Variants in TTLL11 observed in about 807,000 individuals in gnomAD.
The protein encoded by TTLL11 is tubulin tyrosine ligase like 11, also known as tubulin polyglutamylase TTLL11.
Under a neutral mutation model 51.7 loss-of-function variants are expected in TTLL11, and 42 were observed. The ratio of observed to expected loss-of-function variants is 0.81; its 90% CI spans 0.64 to 1.05. The LOEUF is 1.05. Among genes scored for constraint, TTLL11 ranks in the 50% least tolerant of loss-of-function variants. The probability of loss-of-function intolerance (pLI) is 0.00; values close to 1 mark genes in which losing one functional copy is unlikely to be tolerated. For missense variants in TTLL11, 799 were observed against 940.4 expected (o/e 0.85, Z 1.97); for synonymous variants, 381 against 383.5 (o/e 0.99, Z 0.08).
chr9:122,038,536 C>A (rs949801204), intron 2 of TTLL11, among the ~76,000 whole-genome samples: 1 of 152,156 alleles, frequency 6.6e-6, no homozygotes, highest in Non-Finnish European at 1.5e-5. Flanking sequence ...GTAATCCCAG[C>A]TACTCGGAAG....
intron 6 of TTLL11, among the ~76,000 whole-genome samples, chr9:121,970,614 G>C (rs1268149242): frequency 6.6e-6 from 1 of 152,196 alleles, no homozygotes; most frequent in African/African-American, 2.4e-5. Flanking sequence ...ATCATCACTG[G>C]TCATTAGAGA....
At chr9:121,881,025 G>A (rs1039421300) in intron 6 of TTLL11, among the ~76,000 whole-genome samples, 9 of 152,174 alleles carry the variant, frequency 5.9e-5, no homozygotes, top group African/African-American at 2.2e-4. Context: ...GGAAAAGCCT[G>A]TCTCTACCCT....
At chr9:122,044,321 G>A (rs1172371351) in intron 1 of TTLL11, among the ~76,000 whole-genome samples, 2 of 151,996 alleles carry the variant, frequency 1.3e-5, no homozygotes, top group Non-Finnish European at 2.9e-5. Context: ...ATAAACATAC[G>A]TGTGCATGTG....
intron 3 of TTLL11, among the ~76,000 whole-genome samples, chr9:122,014,534 C>T (rs1843908252): frequency 6.6e-6 from 1 of 152,122 alleles, no homozygotes; most frequent in African/African-American, 2.4e-5. Context: ...TGTTTAATTC[C>T]ATCCCAGCTT....
At chr9:122,012,383 A>C (rs1457090513) in intron 3 of TTLL11, among the ~76,000 whole-genome samples, 1 of 152,114 alleles carries the variant, frequency 6.6e-6, no homozygotes, top group African/African-American at 2.4e-5. Flanking sequence ...ACTGTCCCAG[A>C]AAAATGTTTA....
At chr9:121,826,559 A>ATATATATATATATATATATGTGTG (rs1564260654) in intron 8 of TTLL11, among the ~76,000 whole-genome samples, 3 of 88,764 alleles carry the variant, frequency 3.4e-5, no homozygotes, top group African/African-American at 1.7e-4. Context: ...ATGTGTGTGT[A>ATATATATATATATATATATGTGTG]TATATATATA....
rs888090116 is a variant in TTLL11 at position 121,965,591 on chromosome 9, T to C, written c.1481+8418A>G. Among the ~76,000 whole-genome samples, 4 of 152,116 alleles carry C rather than the reference T, an allele frequency of 2.6e-5. No homozygotes were observed. The East Asian group carries it at 5.8e-4, about 22-fold the overall frequency. On this transcript the variant is annotated intron_variant, in intron 6 of 8. Transcript: ENST00000321582. ...CAAACCATATCACCTCAGGAATCAA[T>C]TGAGCCCAGAATTTCAACTGGAGGT...
intron 1 of TTLL11, among the ~76,000 whole-genome samples, chr9:122,087,593 G>A (rs73662586): frequency 0.017 from 2,573 of 152,232 alleles, 56 homozygotes; most frequent in African/African-American, 0.059. Flanking sequence ...AAATCTCTCA[G>A]GGCCCTCATT....
At chr9:121,833,910 T>A (rs1837102635) in intron 8 of TTLL11, among the ~76,000 whole-genome samples, 3 of 152,220 alleles carry the variant, frequency 2.0e-5, no homozygotes, top group Admixed American at 2.0e-4. Flanking sequence ...TTGGGGTGCT[T>A]AAACAGAAAC....
chr9:121,931,420 G>A (rs886696048), intron 6 of TTLL11, among the ~76,000 whole-genome samples: 2 of 151,856 alleles, frequency 1.3e-5, no homozygotes, highest in African/African-American at 4.8e-5. Flanking sequence ...CTCCCACAAC[G>A]TCTCACCCCT....
At chr9:122,090,186 A>C (rs1179038853) in intron 1 of TTLL11, among the ~76,000 whole-genome samples, 1 of 150,602 alleles carries the variant, frequency 6.6e-6, no homozygotes, top group Admixed American at 6.6e-5. Flanking sequence ...CGGCTACCGA[A>C]GTAGAAAGAC....
rs1291025808 is a variant in TTLL11, at chr9:121,974,142, T to G, written c.1366-18A>C. On this transcript the variant is annotated intron_variant, in intron 5 of 8. Coordinates refer to ENST00000321582, the MANE Select transcript of TTLL11 (RefSeq NM_001139442.2). ...GGAGAAAGCTTGAACGGGTAAGGAT[T>G]CTGTGTCACAGTGGAGACCGTGATT... 1 of 1,537,190 alleles carries G rather than the reference T, an allele frequency of 6.5e-7. No homozygotes were observed. Among genetic ancestry groups the G allele is most frequent in the South Asian group, 1.2e-5 (1 of 83,666 alleles).
Position 121,885,905 on chromosome 9 carries a change from C to G in TTLL11, c.1482-15157G>C, listed in dbSNP as rs572607793. On this transcript the variant is annotated intron_variant, in intron 6 of 8. Coordinates refer to ENST00000321582, the MANE Select transcript of TTLL11 (RefSeq NM_001139442.2). ...CACCACTCCTGCCTAGTTTTGGTAT[C>G]TTTAGTAGAGACAGAGTTTCTCTAT... Among the ~76,000 whole-genome samples, 415 of 152,260 alleles carry G rather than the reference C, an allele frequency of 2.7e-3. 4 individuals carry two copies. Among genetic ancestry groups the G allele is most frequent in the African/African-American group, 9.7e-3 (402 of 41,566 alleles).
At chr9:122,006,711 G>A (rs956278417) in intron 3 of TTLL11, among the ~76,000 whole-genome samples, 1 of 152,054 alleles carries the variant, frequency 6.6e-6, no homozygotes, top group African/African-American at 2.4e-5. Context: ...CTGGCCACAT[G>A]TGGTGGCTCA....
chr9:121,834,640 A>C (rs1339706011), intron 8 of TTLL11, among the ~76,000 whole-genome samples: 1 of 152,102 alleles, frequency 6.6e-6, no homozygotes, highest in East Asian at 1.9e-4. Context: ...CAGTCTGGCC[A>C]ACATGGTGAA....
chr9:121,841,514 C>G (rs893843481), intron 8 of TTLL11, among the ~76,000 whole-genome samples: 8 of 152,140 alleles, frequency 5.3e-5, no homozygotes, highest in African/African-American at 1.7e-4. Context: ...AGACTCCCAC[C>G]TGCTACCAAG....
intron 1 of TTLL11, among the ~76,000 whole-genome samples, chr9:122,052,110 G>A (rs2131850536): frequency 6.6e-6 from 1 of 152,212 alleles, no homozygotes; most frequent in East Asian, 1.9e-4. Flanking sequence ...GGTGTGACCA[G>A]ATGGAACACA....
intron 1 of TTLL11, among the ~76,000 whole-genome samples, chr9:122,049,024 C>G (rs1462902607): frequency 6.7e-6 from 1 of 149,496 alleles, no homozygotes; most frequent in African/African-American, 2.5e-5. Context: ...AAAAAAAAAG[C>G]ACGCACATGC....
At chr9:122,039,207 T>C (rs970072202) in intron 2 of TTLL11, 65 bp downstream of exon 2, 2 of 1,310,878 alleles carry the variant, frequency 1.5e-6, no homozygotes, top group Admixed American at 1.8e-5. Flanking sequence ...CATGTTTTAG[T>C]AGAAGAGTGT....
Sources: gnomAD v4.1 joint callset for allele counts (sites outside exome capture counted in the v4.1 genomes callset) on GRCh38, gnomAD v4.1.1 for gene constraint, MANE v1.5 for transcripts, NCBI Gene and HGNC (gene_info 2026-07-23, HGNC 2026-07-21) for gene names.